TJP1: variants seen among roughly 807,000 people sequenced by gnomAD.
The protein encoded by TJP1 is tight junction protein 1.
A neutral mutation model predicts 194.2 loss-of-function variants in TJP1; 43 were observed. The ratio of observed to expected loss-of-function variants is 0.22; its 90% CI spans 0.17 to 0.29. The LOEUF is 0.29. Ranked by LOEUF, TJP1 falls within the 10% of genes least tolerant of loss-of-function variation. The probability of loss-of-function intolerance (pLI) is 1.00; values close to 1 mark genes in which losing one functional copy is unlikely to be tolerated. For synonymous variants in TJP1, 801 were observed against 779.0 expected (o/e 1.03, Z -0.47); for missense variants, 1,971 against 2,185.7 (o/e 0.90, Z 1.96).
chr15:29,911,904 G>C (rs2054026398), intron 2 of TJP1, among the ~76,000 whole-genome samples: 1 of 152,186 alleles, frequency 6.6e-6, no homozygotes. Context: ...TGGGGATATA[G>C]AAAAATAAGG....
In TJP1 at chr15:29,772,178, A is replaced by G. The variant is rs554927830; in HGVS notation, c.210-12T>C. On this transcript the variant is annotated splice_polypyrimidine_tract_variant and intron_variant, in intron 3 of 27. Transcript: ENST00000614355. ...CTCGGTCATTTTCCCTAAGGGGAAAAGGGCACAAAATAATATGTTAGAGAA... is the reference window on the plus strand; with the variant it reads ...CTCGGTCATTTTCCCTAAGGGGAAAGGGGCACAAAATAATATGTTAGAGAA... 4.3e-4 allele frequency: 653 copies of G among 1,518,382 alleles called. 4 individuals are homozygous for G. In the Middle Eastern group the frequency reaches 7.3e-3, roughly 17 times the overall value. 94.1% of individuals were successfully genotyped at this position (1,518,382 alleles called of 1,614,324 possible). A position where few individuals can be genotyped will look rare whatever the true frequency, so the allele number is the denominator to read the frequency against.
At chr15:29,727,596 T>C (rs1227230826) in intron 16 of TJP1, among the ~76,000 whole-genome samples, 1 of 152,220 alleles carries the variant, frequency 6.6e-6, no homozygotes, top group Non-Finnish European at 1.5e-5. Flanking sequence ...CACGTACAGT[T>C]AGAATAAAAA....
chr15:29,713,210 A>G (rs571975448), intron 23 of TJP1, among the ~76,000 whole-genome samples: 82 of 152,376 alleles, frequency 5.4e-4, no homozygotes, highest in African/African-American at 1.9e-3. Context: ...AGATTTGATA[A>G]CAAAAAATCC....
intron 2 of TJP1, among the ~76,000 whole-genome samples, chr15:29,876,754 A>G (rs1352543448): frequency 2.6e-5 from 4 of 152,080 alleles, no homozygotes; most frequent in Non-Finnish European, 5.9e-5. Context: ...ATGAGTAAAA[A>G]CCACGTGGAC....
At chr15:29,784,908 A>G (rs1425734446) in intron 2 of TJP1, among the ~76,000 whole-genome samples, 4 of 152,212 alleles carry the variant, frequency 2.6e-5, no homozygotes, top group African/African-American at 9.6e-5. Flanking sequence ...ATGTGCAAAA[A>G]AAAATTTTTA....
intron 1 of TJP1, among the ~76,000 whole-genome samples, chr15:29,960,737 G>A (rs1389822501): frequency 6.6e-6 from 1 of 152,024 alleles, no homozygotes; most frequent in East Asian, 1.9e-4. Context: ...CAGGAAGATG[G>A]TACCTTGTCT....
chr15:29,965,955 C>A (rs1000995329), intron 1 of TJP1, among the ~76,000 whole-genome samples: 8 of 152,152 alleles, frequency 5.3e-5, no homozygotes, highest in African/African-American at 1.9e-4. Context: ...CTTTTCCAGG[C>A]CGCCTCTTAG....
At chr15:29,741,086 C>A in intron 10 of TJP1, 2 of 228,324 alleles carry the variant, frequency 8.8e-6, no homozygotes, top group Non-Finnish European at 1.7e-5. Context: ...TTTTCTAATT[C>A]CTAATTTAAA....
intron 2 of TJP1, among the ~76,000 whole-genome samples, chr15:29,897,973 G>T (rs2152186962): frequency 6.6e-6 from 1 of 152,312 alleles, no homozygotes; most frequent in East Asian, 1.9e-4. Context: ...ATGGACTTTT[G>T]AGTTAATGCT....
chr15:29,863,204 G>C (rs1438298204), intron 2 of TJP1, among the ~76,000 whole-genome samples: 18 of 151,982 alleles, frequency 1.2e-4, no homozygotes, highest in Admixed American at 1.2e-3. Flanking sequence ...GCTGAGGCAG[G>C]AGAATCGCTT....
chr15:29,806,514 T>A (rs2049119511), intron 1 of TJP1, among the ~76,000 whole-genome samples: 1 of 152,172 alleles, frequency 6.6e-6, no homozygotes, highest in South Asian at 2.1e-4. Flanking sequence ...TTAAGAACAC[T>A]CTGTGAACCC....
At chr15:29,954,399 T>C (rs560762217) in intron 2 of TJP1, among the ~76,000 whole-genome samples, 1 of 152,214 alleles carries the variant, frequency 6.6e-6, no homozygotes. Context: ...ATGATTATGC[T>C]TCAGTAATGA....
chr15:29,896,484 C>T (rs192560892), intron 2 of TJP1, among the ~76,000 whole-genome samples: 77 of 152,126 alleles, frequency 5.1e-4, no homozygotes, highest in African/African-American at 1.5e-3. Context: ...TGAAAATGGA[C>T]GAATACAGTA....
chr15:29,917,334 A>G (rs1030923779), intron 2 of TJP1, among the ~76,000 whole-genome samples: 2 of 152,230 alleles, frequency 1.3e-5, no homozygotes, highest in African/African-American at 4.8e-5. Flanking sequence ...TATATCCATA[A>G]TTACATGCTC....
intron 2 of TJP1, among the ~76,000 whole-genome samples, chr15:29,939,439 C>G (rs2054992508): frequency 6.6e-6 from 1 of 152,060 alleles, no homozygotes; most frequent in Admixed American, 6.6e-5. Flanking sequence ...CTTCAATTCC[C>G]TCTGGTTCAC....
chr15:29,793,612 G>A (rs1373444268), intron 2 of TJP1, among the ~76,000 whole-genome samples: 2 of 152,142 alleles, frequency 1.3e-5, no homozygotes, highest in Admixed American at 6.5e-5. Flanking sequence ...GAGTAGGAGA[G>A]AGACAGAGAG....
intron 2 of TJP1, among the ~76,000 whole-genome samples, chr15:29,901,005 T>A (rs2053617518): frequency 6.6e-6 from 1 of 151,356 alleles, no homozygotes; most frequent in Non-Finnish European, 1.5e-5. Flanking sequence ...GACAACAGAG[T>A]AGTGGTGTCT....
upstream of TJP1, chr15:29,823,104 A>AC (rs2050530846): frequency 6.6e-6 from 1 of 152,104 alleles, no homozygotes; most frequent in African/African-American, 2.4e-5. Flanking sequence ...CTCGGCCCAC[A>AC]CCCCACATTA....
chr15:29,909,860 A>C (rs984484898), intron 2 of TJP1, among the ~76,000 whole-genome samples: 11 of 152,186 alleles, frequency 7.2e-5, no homozygotes, highest in Non-Finnish European at 1.2e-4. Flanking sequence ...CCAGGACTTC[A>C]CATGGAACCC....
Sources: gnomAD v4.1 joint callset for allele counts (sites outside exome capture counted in the v4.1 genomes callset) on GRCh38, gnomAD v4.1.1 for gene constraint, MANE v1.5 for transcripts, NCBI Gene and HGNC (gene_info 2026-07-23, HGNC 2026-07-21) for gene names.